Variants in AXIN1 observed in about 807,000 individuals in gnomAD.
The protein encoded by AXIN1 is axin-1.
A neutral mutation model predicts 76.4 loss-of-function variants in AXIN1; 30 were observed. That is an observed-to-expected ratio of 0.39 (90% CI 0.29 to 0.53). The LOEUF (loss-of-function observed/expected upper bound fraction) is 0.53. Among genes scored for constraint, AXIN1 ranks in the 20% least tolerant of loss-of-function variants. AXIN1 has a pLI of 0.66. For synonymous variants in AXIN1, 545 were observed against 501.4 expected, an observed-to-expected ratio of 1.09 and a Z score of -1.16; for missense variants, 1,140 against 1,198.8, an observed-to-expected ratio of 0.95 and a Z score of 0.72.
intron 1 of AXIN1, among the ~76,000 whole-genome samples, chr16:351,978 C>T (rs2054155150): frequency 6.6e-6 from 1 of 152,186 alleles, no homozygotes; most frequent in African/African-American, 2.4e-5. Context: ...GGTACGGACG[C>T]CGGAGCACGC....
At chr16:319,352 G>T (rs564402893) in intron 2 of AXIN1, among the ~76,000 whole-genome samples, 66 of 152,298 alleles carry the variant, frequency 4.3e-4, no homozygotes, top group African/African-American at 1.4e-3. Flanking sequence ...TGGAGAGGAG[G>T]CATGAGAAGA....
intron 9 of AXIN1, 37 bp from the exon 10 acceptor site, chr16:289,644 G>A (rs1462612865): frequency 1.2e-6 from 2 of 1,610,436 alleles, no homozygotes; most frequent in South Asian, 2.2e-5. Context: ...CCTGGTTTTG[G>A]ACTGAGGTCC....
intron 5 of AXIN1, chr16:299,338 G>C (rs976476281): frequency 1.5e-6 from 1 of 679,776 alleles, no homozygotes; most frequent in African/African-American, 2.0e-5. Context: ...AGGGAACTAA[G>C]TTACCATGTA....
At chr16:347,558 G>A (rs1412490257) in intron 1 of AXIN1, among the ~76,000 whole-genome samples, 2 of 152,210 alleles carry the variant, frequency 1.3e-5, no homozygotes, top group African/African-American at 2.4e-5. Context: ...ACCAGCCCCA[G>A]CAACACTCAG....
At chr16:344,243 A>G (rs1483383548) in intron 2 of AXIN1, among the ~76,000 whole-genome samples, 27 of 151,842 alleles carry the variant, frequency 1.8e-4, no homozygotes, top group Admixed American at 1.8e-3. Flanking sequence ...CATCCTGGCT[A>G]ACATGGTGAA....
chr16:324,051 C>T (rs1429210246), intron 2 of AXIN1, among the ~76,000 whole-genome samples: 1 of 152,166 alleles, frequency 6.6e-6, no homozygotes, highest in Admixed American at 6.5e-5. Context: ...CCACAGGAAA[C>T]CCTGCAGACC....
chr16:342,377 C>A (rs911057269), intron 2 of AXIN1, among the ~76,000 whole-genome samples: 1 of 152,180 alleles, frequency 6.6e-6, no homozygotes, highest in African/African-American at 2.4e-5. Flanking sequence ...AAGAACCCAC[C>A]AATTCCGGAC....
intron 2 of AXIN1, among the ~76,000 whole-genome samples, chr16:332,663 C>CAAAAAAAA (rs34523667): frequency 8.8e-6 from 1 of 113,768 alleles, no homozygotes; most frequent in Non-Finnish European, 1.8e-5. Context: ...TGATCTAAAC[C>CAAAAAAAA]AAAAAAAAAA....
rs528379938 is a variant in AXIN1 at position 297,101 on chromosome 16, A to G, written c.1910T>C (p.Ile637Thr). ...EKNQKIMQWI[I>T]EGEKEISRHR... ...CCTGCTGATCTCCTTTTCCCCCTCA[A>G]TGATCCACTGCATGATTTTCTGGTT... Residue 637 changes from isoleucine (I) to threonine (T), a missense_variant, in exon 7 of 11, where the codon ATT becomes ACT. Ile to Thr is a moderately conservative substitution (Grantham distance 89). Coordinates refer to ENST00000262320, the MANE Select transcript of AXIN1 (RefSeq NM_003502.4). 1.1e-5 allele frequency: 17 copies of G among 1,612,590 alleles called. No individual in the cohort carries two copies. The South Asian group carries it at 1.6e-4, about 16-fold the overall frequency.
rs1477689234 is a variant in AXIN1, at chr16:305,604, C to T, written c.1117-1163G>A. ...TGTCACCCAGGCTGGAGTGTAGTGGCGCGATTTCGGCTCACTGCAAGCTCC... is the reference window on the plus strand; with the variant it reads ...TGTCACCCAGGCTGGAGTGTAGTGGTGCGATTTCGGCTCACTGCAAGCTCC... On this transcript the variant is annotated intron_variant, in intron 4 of 10. Coordinates refer to ENST00000262320, the MANE Select transcript of AXIN1 (RefSeq NM_003502.4). Among the ~76,000 whole-genome samples, 13 of 151,944 alleles carry T rather than the reference C, an allele frequency of 8.6e-5. No individual in the cohort carries two copies. In the East Asian group the frequency reaches 9.7e-4, roughly 11 times the overall value.
At chr16:314,746 C>T (rs2053261829) in intron 2 of AXIN1, 63 bp from the exon 3 acceptor site, 6 of 1,601,624 alleles carry the variant, frequency 3.7e-6, no homozygotes, top group Non-Finnish European at 3.4e-6. Flanking sequence ...TTTTATTTCA[C>T]ATTTTCATGT....
chr16:294,189 C>A (rs1370972120), intron 7 of AXIN1, among the ~76,000 whole-genome samples: 2 of 151,860 alleles, frequency 1.3e-5, no homozygotes, highest in Non-Finnish European at 2.9e-5. Context: ...AAAAAACCAA[C>A]CCTCATTTGC....
At chr16:321,068 T>C (rs2053446091) in intron 2 of AXIN1, among the ~76,000 whole-genome samples, 1 of 152,116 alleles carries the variant, frequency 6.6e-6, no homozygotes, top group Non-Finnish European at 1.5e-5. Context: ...AAAGACCACC[T>C]GGTGTGACGG....
chr16:314,062 A>G (rs2053243997), intron 3 of AXIN1, among the ~76,000 whole-genome samples: 1 of 152,246 alleles, frequency 6.6e-6, no homozygotes, highest in Non-Finnish European at 1.5e-5. Flanking sequence ...GTGGTGAGGC[A>G]GCTGGCCTGT....
rs190861044 is a variant in AXIN1, at chr16:342,396, A to G, written c.878+3752T>C. 2.6e-5 allele frequency among the ~76,000 whole-genome samples: 4 copies of G among 152,216 alleles called. No homozygotes were observed. The East Asian group carries it at 7.7e-4, about 29-fold the overall frequency. ...ACCCACCAATTCCGGACACACCGGG[A>G]CGACTAACCGGCTCTCCACAGGATA... is the stretch of plus-strand genomic sequence containing the variant. On this transcript the variant is annotated intron_variant, in intron 2 of 10. Coordinates refer to ENST00000262320, the MANE Select transcript of AXIN1 (RefSeq NM_003502.4).
chr16:290,886 C>G, intron 9 of AXIN1: 1 of 486,498 alleles, frequency 2.1e-6, no homozygotes, highest in Non-Finnish European at 3.8e-6. Flanking sequence ...AGGCAGGTCT[C>G]TGCCCCACAG....
intron 8 of AXIN1, chr16:291,784 G>A (rs1377250996): frequency 1.9e-5 from 5 of 264,846 alleles, no homozygotes; most frequent in Admixed American, 5.0e-5. Context: ...CTCCTCTCAC[G>A]TGGACACCTC....
intron 2 of AXIN1, among the ~76,000 whole-genome samples, chr16:337,953 T>C (rs1331297731): frequency 1.3e-5 from 2 of 152,336 alleles, no homozygotes; most frequent in South Asian, 2.1e-4. Flanking sequence ...GAACACCTTC[T>C]GGAGCTAATG....
In AXIN1 at chr16:288,098, C is replaced by T. The variant is rs1038927961; in HGVS notation, c.*24G>A. 6 of 1,612,982 alleles carry T rather than the reference C, an allele frequency of 3.7e-6. No homozygotes were observed. Among genetic ancestry groups the T allele is most frequent in the Non-Finnish European group, 4.2e-6 (5 of 1,180,002 alleles). On this transcript the variant is annotated 3_prime_UTR_variant, in exon 11 of 11. Transcript: ENST00000262320. Reference sequence around the variant, plus strand: ...CGTGCCCGCCAAGGGCCTCGCCTGGCACAGCGGCCAGCCCACCAGCCTATC... The same window carrying T: ...CGTGCCCGCCAAGGGCCTCGCCTGGTACAGCGGCCAGCCCACCAGCCTATC...
Sources: gnomAD v4.1 joint callset for allele counts (sites outside exome capture counted in the v4.1 genomes callset) on GRCh38, gnomAD v4.1.1 for gene constraint, MANE v1.5 for transcripts, NCBI Gene and HGNC (gene_info 2026-07-23, HGNC 2026-07-21) for gene names.